The following SAMD3 variants were observed in gnomAD, a reference collection of about 807,000 sequenced individuals.
The protein encoded by SAMD3 is sterile alpha motif domain containing 3.
A neutral mutation model predicts 58.5 loss-of-function variants in SAMD3; 63 were observed. The ratio of observed to expected loss-of-function variants is 1.08; its 90% CI spans 0.88 to 1.33. SAMD3 has a LOEUF of 1.33. SAMD3 is among the 40% of genes most tolerant of loss of function. The pLI, the probability that SAMD3 is intolerant of heterozygous loss-of-function variation, is 0.00. For synonymous variants in SAMD3, 220 were observed against 210.3 expected, an observed-to-expected ratio of 1.05 and a Z score of -0.40; for missense variants, 604 against 608.4, an observed-to-expected ratio of 0.99 and a Z score of 0.08.
intron 2 of SAMD3, among the ~76,000 whole-genome samples, chr6:130,260,090 A>G (rs755871303): frequency 6.6e-5 from 10 of 152,308 alleles, no homozygotes; most frequent in Non-Finnish European, 1.2e-4. Context: ...ATACTGCATA[A>G]TAATGTTTTG....
At chr6:130,239,331 C>A (rs1773275707) in intron 2 of SAMD3, among the ~76,000 whole-genome samples, 1 of 152,092 alleles carries the variant, frequency 6.6e-6, no homozygotes, top group Non-Finnish European at 1.5e-5. Flanking sequence ...AAACTGTAAA[C>A]CATCTGTAGT....
At chr6:130,190,248 C>T (rs114728024) in intron 5 of SAMD3, among the ~76,000 whole-genome samples, 3,029 of 151,666 alleles carry the variant, frequency 0.02, 97 homozygotes, top group African/African-American at 0.07. Context: ...GCTCTTTGGG[C>T]GAACACAACA....
At chr6:130,357,705 C>T (rs1777875924) in intron 1 of SAMD3, among the ~76,000 whole-genome samples, 1 of 152,164 alleles carries the variant, frequency 6.6e-6, no homozygotes, top group Non-Finnish European at 1.5e-5. Context: ...GTGTATCTTC[C>T]CTCTCAATGT....
At chr6:130,363,488 G>A (rs1477602675) in intron 1 of SAMD3, among the ~76,000 whole-genome samples, 1 of 152,168 alleles carries the variant, frequency 6.6e-6, no homozygotes, top group African/African-American at 2.4e-5. Context: ...TCCAGAGGAA[G>A]AGCCTTTTTT....
intron 1 of SAMD3, among the ~76,000 whole-genome samples, chr6:130,218,260 T>C (rs977039022): frequency 6.6e-6 from 1 of 152,178 alleles, no homozygotes; most frequent in African/African-American, 2.4e-5. Context: ...ACAGATTGAA[T>C]TCCAAGTTCC....
At chr6:130,360,261 G>A (rs1183640117) in intron 1 of SAMD3, among the ~76,000 whole-genome samples, 1 of 152,144 alleles carries the variant, frequency 6.6e-6, no homozygotes, top group Admixed American at 6.6e-5. Context: ...ATGTGCCAAC[G>A]TTTTCTCATG....
intron 9 of SAMD3, among the ~76,000 whole-genome samples, chr6:130,149,625 A>G (rs1255103130): frequency 2.0e-5 from 3 of 152,176 alleles, no homozygotes; most frequent in Non-Finnish European, 4.4e-5. Context: ...AAAACCAGAT[A>G]CTGCATGTTC....
intron 1 of SAMD3, among the ~76,000 whole-genome samples, chr6:130,334,017 G>T (rs1350597908): frequency 6.6e-6 from 1 of 152,134 alleles, no homozygotes; most frequent in Non-Finnish European, 1.5e-5. Context: ...TTTCTTCTCT[G>T]GATAAATCTT....
chr6:130,199,973 T>G (rs909493720), intron 5 of SAMD3, among the ~76,000 whole-genome samples: 1 of 152,132 alleles, frequency 6.6e-6, no homozygotes, highest in Non-Finnish European at 1.5e-5. Context: ...AAGAGAGATG[T>G]GACCAGCATC....
intron 8 of SAMD3, among the ~76,000 whole-genome samples, chr6:130,167,494 C>T (rs144527882): frequency 6.6e-6 from 1 of 152,286 alleles, no homozygotes; most frequent in East Asian, 1.9e-4. Context: ...CTTACATTGC[C>T]ATGCAGTTCC....
intron 2 of SAMD3, among the ~76,000 whole-genome samples, chr6:130,228,756 G>T (rs922836233): frequency 6.6e-6 from 1 of 152,168 alleles, no homozygotes; most frequent in Non-Finnish European, 1.5e-5. Flanking sequence ...ATGGAAGCCC[G>T]CATGTGGGAG....
At chr6:130,258,793 T>C (rs897247258) in intron 2 of SAMD3, among the ~76,000 whole-genome samples, 7 of 152,206 alleles carry the variant, frequency 4.6e-5, no homozygotes, top group Non-Finnish European at 8.8e-5. Flanking sequence ...TTAGGGATTG[T>C]TGTGGTTATA....
chr6:130,363,724 G>C (rs1231943543), intron 1 of SAMD3, among the ~76,000 whole-genome samples: 1 of 152,104 alleles, frequency 6.6e-6, no homozygotes, highest in East Asian at 1.9e-4. Context: ...AGGACACTTG[G>C]ATTACTCTCT....
At chr6:130,202,468 G>A (rs917585085) in intron 5 of SAMD3, among the ~76,000 whole-genome samples, 15 of 152,248 alleles carry the variant, frequency 9.9e-5, no homozygotes, top group Middle Eastern at 3.4e-3. Flanking sequence ...TTTCCCTACT[G>A]TATCCCCAAT....
intron 7 of SAMD3, 120 bp downstream of exon 7, chr6:130,183,983 T>C (rs1166354117): frequency 4.3e-6 from 3 of 701,658 alleles, no homozygotes; most frequent in Non-Finnish European, 7.5e-6. Context: ...ATAGACAGAA[T>C]GAGAGAGAGA....
At chr6:130,241,896 C>G (rs1436966052) in intron 2 of SAMD3, among the ~76,000 whole-genome samples, 1 of 151,962 alleles carries the variant, frequency 6.6e-6, no homozygotes, top group Non-Finnish European at 1.5e-5. Flanking sequence ...GTTTTTCCCA[C>G]CTATTCTACA....
At chr6:130,343,394 A>G (rs1777331746) in intron 1 of SAMD3, among the ~76,000 whole-genome samples, 1 of 152,146 alleles carries the variant, frequency 6.6e-6, no homozygotes, top group Non-Finnish European at 1.5e-5. Flanking sequence ...GGTGAGAAAT[A>G]TTTAAATAAT....
At chr6:130,297,970 A>T (rs1462851357) in intron 2 of SAMD3, among the ~76,000 whole-genome samples, 1 of 152,226 alleles carries the variant, frequency 6.6e-6, no homozygotes, top group African/African-American at 2.4e-5. Flanking sequence ...GAGGAAAAAA[A>T]TTCAGGAAAA....
intron 2 of SAMD3, among the ~76,000 whole-genome samples, chr6:130,261,240 T>C (rs1439695610): frequency 9.3e-6 from 1 of 107,046 alleles, no homozygotes. Context: ...TTGGTTTGAA[T>C]TGCTTGACAG....
Sources: allele counts gnomAD v4.1 joint callset (sites outside exome capture counted in the v4.1 genomes callset), GRCh38; gene constraint gnomAD v4.1.1; transcripts MANE v1.5; gene names NCBI Gene and HGNC (gene_info 2026-07-23, HGNC 2026-07-21).